OPRL1: variants seen among roughly 807,000 people sequenced by gnomAD.
The protein encoded by OPRL1 is opioid related nociceptin receptor 1, also known as nociceptin receptor.
Under a neutral mutation model 15.5 loss-of-function variants are expected in OPRL1, and 5 were observed. The observed-to-expected ratio is 0.32, with a 90% CI of 0.17 to 0.68. The LOEUF is 0.68. Ranked by LOEUF, OPRL1 falls within the 30% of genes least tolerant of loss-of-function variation. The probability of loss-of-function intolerance (pLI) is 0.72; values close to 1 mark genes in which losing one functional copy is unlikely to be tolerated. For synonymous variants in OPRL1, 223 were observed against 230.2 expected (o/e 0.97, Z 0.28); for missense variants, 406 against 515.3 (o/e 0.79, Z 2.05).
At position 64,090,541 on chromosome 20, in the gene OPRL1, C is replaced by T. The variant is rs539157925; in HGVS notation, c.-184-1425C>T. 5.9e-5 allele frequency among the ~76,000 whole-genome samples: 9 copies of T among 152,286 alleles called. No homozygotes were observed. The highest frequency in any genetic ancestry group is 2.0e-4 in the Admixed American group (3 of 15,296). The stretch of plus-strand genomic sequence containing the variant: ...AGAGGTCTGGTTTTCCTGCAAAGCT[C>T]GTGCAGGAAGTACAACCCCATGACC... On this transcript the variant is annotated intron_variant, in intron 1 of 4. Coordinates refer to ENST00000336866, the MANE Select transcript of OPRL1 (RefSeq NM_182647.4). The surrounding 1 kb of genome is among the most constrained non-coding windows in gnomAD (Gnocchi z 4.9).
In OPRL1 at chr20:64,092,824, A is replaced by G. The variant is rs745988682; in HGVS notation, c.104A>G (p.His35Arg). 6.8e-6 allele frequency: 11 copies of G among 1,612,692 alleles called. No homozygotes were observed. The highest frequency in any genetic ancestry group is 2.2e-5 in the East Asian group (1 of 44,876). ...CCCAACCACAGTCTGCTGCCCCCGCATCTGCTGCTCAATGCCAGCCACGGC... is the reference window on the plus strand; with the variant it reads ...CCCAACCACAGTCTGCTGCCCCCGCGTCTGCTGCTCAATGCCAGCCACGGC... ...LSPNHSLLPP[H>R]LLLNASHGAF... The change falls in exon 3 of 5, where the codon CAT becomes CGT. Residue 35 changes from histidine to arginine, a missense_variant. Transcript: ENST00000336866.
At chr20:64,085,422 G>C (rs1345339791) in intron 1 of OPRL1, among the ~76,000 whole-genome samples, 2 of 152,170 alleles carry the variant, frequency 1.3e-5, no homozygotes, top group African/African-American at 2.4e-5. Flanking sequence ...CCCAGGACTA[G>C]AGCTGGGTTT....
At position 64,097,737 on chromosome 20, in the gene OPRL1, G is replaced by A. The variant is rs1293765646; in HGVS notation, c.234-65G>A. On this transcript the variant is annotated intron_variant, in intron 3 of 4. Transcript: ENST00000336866. The surrounding 1 kb of genome is among the most constrained non-coding windows in gnomAD (Gnocchi z 4.2). ...TTGTGGTGGCCAAGAGGAGCCCCTT[G>A]CCCTTTGCTGCCTGGTCCAGCCAGC... 2.8e-6 allele frequency: 4 copies of A among 1,423,860 alleles called. No homozygotes were observed. In the East Asian group the frequency reaches 9.2e-5, roughly 33 times the overall value. The allele number at this position is 1,423,860 out of a possible 1,614,324, so 88.2% of individuals were successfully genotyped here. A position where few individuals can be genotyped will look rare whatever the true frequency, so the allele number is the denominator to read the frequency against.
intron 1 of OPRL1, among the ~76,000 whole-genome samples, chr20:64,088,153 A>G (rs1436390706): frequency 6.6e-6 from 1 of 152,194 alleles, no homozygotes; most frequent in Non-Finnish European, 1.5e-5. Context: ...ATTACTGAAT[A>G]ATGGCCAAGT....
rs778324755 is a variant in OPRL1 at position 64,097,857 on chromosome 20, G to A, written c.289G>A (p.Asp97Asn). The change falls in exon 4 of 5, where the codon GAC (aspartate) becomes AAC (asparagine). Residue 97 changes from aspartate to asparagine, a missense_variant. Asp to Asn is a conservative substitution (Grantham distance 23). Coordinates refer to ENST00000336866, the MANE Select transcript of OPRL1 (RefSeq NM_182647.4). This position sits in a 1 kb window ranked among gnomAD's most constrained non-coding sequence, Gnocchi z 4.2. ...NIYIFNLALA[D>N]TLVLLTLPFQ... is the part of the protein sequence containing the mutation. Reference sequence around the variant, plus strand: ...TTACATCTTTAACCTGGCCCTGGCCGACACTCTGGTCCTGCTGACGCTGCC... The same window carrying A: ...TTACATCTTTAACCTGGCCCTGGCCAACACTCTGGTCCTGCTGACGCTGCC... The A allele has an allele frequency of 3.7e-6, 6 of 1,613,490 alleles. No homozygotes were observed. The highest frequency in any genetic ancestry group is 4.5e-5 in the East Asian group (2 of 44,882).
In OPRL1 at chr20:64,089,274, C is replaced by T. The variant is rs1310078792; in HGVS notation, c.-184-2692C>T. ...AACACCTGGACTGGGGAGGCCACGG[C>T]CTTCTGCTGGACCCTGAACGGCTCC... On this transcript the variant is annotated intron_variant, in intron 1 of 4. Coordinates refer to ENST00000336866, the MANE Select transcript of OPRL1 (RefSeq NM_182647.4). The surrounding 1 kb of genome is among the most constrained non-coding windows in gnomAD (Gnocchi z 5.5). 6.6e-6 allele frequency among the ~76,000 whole-genome samples: 1 copy of T among 152,142 alleles called. No homozygotes were observed. The highest frequency in any genetic ancestry group is 2.4e-5 in the African/African-American group (1 of 41,410).
At chr20:64,091,451 A>C (rs1240397527) in intron 1 of OPRL1, among the ~76,000 whole-genome samples, 1 of 152,246 alleles carries the variant, frequency 6.6e-6, no homozygotes, top group Non-Finnish European at 1.5e-5. Context: ...TGCTCTCAGC[A>C]GTGGCCGGGT....
chr20:64,085,562 A>G (rs1270507757), intron 1 of OPRL1, among the ~76,000 whole-genome samples: 2 of 152,224 alleles, frequency 1.3e-5, no homozygotes, highest in African/African-American at 4.8e-5. Context: ...TCAGGCACTC[A>G]TAAGTGTGTT....
chr20:64,084,205 C>T, intron 1 of OPRL1: 1 of 1,421,462 alleles, frequency 7.0e-7, no homozygotes, highest in Non-Finnish European at 9.1e-7. Flanking sequence ...CGCCCTCCTT[C>T]GCTGGCGGCG....
Position 64,085,762 on chromosome 20 carries a change from C to A in OPRL1, c.-185+5410C>A, listed in dbSNP as rs148628225. Among the ~76,000 whole-genome samples the A allele has an allele frequency of 5.4e-3, 818 of 152,318 alleles. 20 individuals carry two copies. Among genetic ancestry groups the A allele is most frequent in the East Asian group, 0.051 (265 of 5,178 alleles). On this transcript the variant is annotated intron_variant, in intron 1 of 4. Coordinates refer to ENST00000336866, the MANE Select transcript of OPRL1 (RefSeq NM_182647.4). ...GAGTTTGGGAGTAGGGCTGTCCCAGCTGAGGAGCAGGGTCTTAGCTGAGCT... is the reference window on the plus strand; with the variant it reads ...GAGTTTGGGAGTAGGGCTGTCCCAGATGAGGAGCAGGGTCTTAGCTGAGCT...
intron 1 of OPRL1, among the ~76,000 whole-genome samples, chr20:64,081,081 T>G (rs2059961535): frequency 5.1e-5 from 4 of 78,638 alleles, no homozygotes; most frequent in Admixed American, 2.9e-4. Context: ...AAGGCCTGGG[T>G]GAGAGGGGGG....
At chr20:64,084,199 C>T in intron 1 of OPRL1, 1 of 1,426,898 alleles carries the variant, frequency 7.0e-7, no homozygotes, top group African/African-American at 1.5e-5. Flanking sequence ...TGCGCCCGCC[C>T]TCCTTCGCTG....
chr20:64,082,727 A>C (rs2059980889), intron 1 of OPRL1, among the ~76,000 whole-genome samples: 1 of 135,806 alleles, frequency 7.4e-6, no homozygotes, highest in East Asian at 2.4e-4. Context: ...GAGTCCAGGG[A>C]TTTTGTAGGT....
chr20:64,087,654 T>C, intron 1 of OPRL1, among the ~76,000 whole-genome samples: 2 of 152,034 alleles, frequency 1.3e-5, no homozygotes. Context: ...CATTCGCGTG[T>C]CATCGTTCGT....
At chr20:64,088,168 A>C (rs1332606123) in intron 1 of OPRL1, among the ~76,000 whole-genome samples, 1 of 152,098 alleles carries the variant, frequency 6.6e-6, no homozygotes, top group Non-Finnish European at 1.5e-5. Flanking sequence ...CCAAGTTAGG[A>C]AGGTTCCCAG....
Position 64,098,508 on chromosome 20 carries a change from C to G in OPRL1, c.822C>G (p.Gly274=). The G allele has an allele frequency of 1.2e-6, 2 of 1,612,962 alleles. No individual in the cohort carries two copies. Among genetic ancestry groups the G allele is most frequent in the Non-Finnish European group, 1.7e-6 (2 of 1,180,016 alleles). The change falls in exon 5 of 5, where the codon GGC becomes GGG. Residue 274 remains glycine, a synonymous_variant. Transcript: ENST00000336866. ...TGGTGGTAGTGGCTGTGTTCGTGGG[C>G]TGCTGGACGCCTGTCCAGGTCTTCG... is the stretch of plus-strand genomic sequence containing the variant. The part of the protein sequence containing the change: ...LVLVVVAVFV[G]CWTPVQVFVL...
Position 64,080,226 on chromosome 20 carries a change from G to A in OPRL1, c.-311G>A, listed in dbSNP as rs1252720946. 1 of 152,288 alleles carries A rather than the reference G, an allele frequency of 6.6e-6. No homozygotes were observed. The highest frequency in any genetic ancestry group is 1.5e-5 in the Non-Finnish European group (1 of 68,118). 9.4% of individuals were successfully genotyped at this position (152,288 alleles called of 1,614,324 possible). A position where few individuals can be genotyped will look rare whatever the true frequency, so the allele number is the denominator to read the frequency against. The stretch of plus-strand genomic sequence containing the variant: ...GTGGCCGTGGCCCCCGACTCTGCTC[G>A]GCGGGGCCGTTCCTGCTTTGCCATC... On this transcript the variant is annotated 5_prime_UTR_variant, in exon 1 of 5. Coordinates refer to ENST00000336866, the MANE Select transcript of OPRL1 (RefSeq NM_182647.4).
Position 64,090,220 on chromosome 20 carries a change from C to T in OPRL1, c.-184-1746C>T, listed in dbSNP as rs2060106297. Among the ~76,000 whole-genome samples the T allele has an allele frequency of 6.6e-6, 1 of 152,194 alleles. No individual in the cohort carries two copies. The highest frequency in any genetic ancestry group is 1.5e-5 in the Non-Finnish European group (1 of 68,042). Reference sequence around the variant, plus strand: ...CCATCCATGTCTCTGTGTGTTCACCCGTATGCCTGTCTGGGCATCTGTGTG... The same window carrying T: ...CCATCCATGTCTCTGTGTGTTCACCTGTATGCCTGTCTGGGCATCTGTGTG... On this transcript the variant is annotated intron_variant, in intron 1 of 4. Coordinates refer to ENST00000336866, the MANE Select transcript of OPRL1 (RefSeq NM_182647.4). The surrounding 1 kb of genome is among the most constrained non-coding windows in gnomAD (Gnocchi z 4.9).
rs771974896 is a variant in OPRL1, at chr20:64,092,831, G to A, written c.111G>A (p.Leu37=). ...PNHSLLPPHL[L]LNASHGAFLP... ...ACAGTCTGCTGCCCCCGCATCTGCT[G>A]CTCAATGCCAGCCACGGCGCCTTCC... Residue 37 remains leucine (L), a synonymous_variant, in exon 3 of 5, where the codon CTG becomes CTA. Coordinates refer to ENST00000336866, the MANE Select transcript of OPRL1 (RefSeq NM_182647.4). 3.7e-6 allele frequency: 6 copies of A among 1,612,752 alleles called. No homozygotes were observed. The highest frequency in any genetic ancestry group is 4.2e-6 in the Non-Finnish European group (5 of 1,179,936).
Sources: gnomAD v4.1 joint callset for allele counts (sites outside exome capture counted in the v4.1 genomes callset) on GRCh38, gnomAD v4.1.1 for gene constraint, Gnocchi (gnomAD v3.1) non-coding constraint, MANE v1.5 for transcripts, NCBI Gene and HGNC (gene_info 2026-07-23, HGNC 2026-07-21) for gene names.